Variants in HUNK observed in about 807,000 individuals in gnomAD.
HUNK encodes the protein hormonally up-regulated Neu-associated kinase, also known as hormonally up-regulated neu tumor-associated kinase.
In HUNK, 21 loss-of-function variants were observed where a neutral mutation model predicts 61.0. The observed-to-expected ratio is 0.34, with a 90% CI of 0.24 to 0.50. HUNK has a LOEUF of 0.50. HUNK is among the 20% of genes least tolerant of loss of function. HUNK has a pLI of 0.98. For synonymous variants in HUNK, 371 were observed against 386.1 expected (o/e 0.96, Z 0.46); for missense variants, 772 against 945.7 (o/e 0.82, Z 2.41).
At position 31,973,581 on chromosome 21, in the gene HUNK, GTGA is replaced by G. The variant is rs34890227; in HGVS notation, c.1011-947_1011-945del. Among the ~76,000 whole-genome samples, 670 of 150,300 alleles carry G rather than the reference GTGA, an allele frequency of 4.5e-3. 17 individuals carry two copies. In the East Asian group the frequency reaches 0.078, roughly 18 times the overall value. The stretch of plus-strand genomic sequence containing the variant: ...CCATTGGATGATGGTGATGGTGGTG[GTGA>G]TGATGATGATGATGATGATGATGAT... On this transcript the variant is annotated intron_variant, in intron 6 of 10. Coordinates refer to ENST00000270112, the MANE Select transcript of HUNK (RefSeq NM_014586.2).
intron 3 of HUNK, among the ~76,000 whole-genome samples, chr21:31,941,210 G>A (rs961469124): frequency 3.3e-5 from 5 of 152,156 alleles, no homozygotes; most frequent in African/African-American, 1.2e-4. Context: ...AGAGTTAATC[G>A]TGAAGAGGAA....
intron 1 of HUNK, among the ~76,000 whole-genome samples, chr21:31,905,097 G>T (rs911598954): frequency 1.3e-5 from 2 of 150,108 alleles, no homozygotes; most frequent in African/African-American, 4.9e-5. Context: ...AAAAGAGGTA[G>T]TTGAGTTAAA....
At chr21:31,981,514 T>C (rs535861269) in intron 7 of HUNK, among the ~76,000 whole-genome samples, 1 of 152,330 alleles carries the variant, frequency 6.6e-6, no homozygotes, top group African/African-American at 2.4e-5. Flanking sequence ...TTCATTTACT[T>C]GTGTCTTCTT....
intron 9 of HUNK, among the ~76,000 whole-genome samples, chr21:31,992,476 G>A (rs765667190): frequency 3.3e-5 from 5 of 152,228 alleles, no homozygotes; most frequent in Admixed American, 6.5e-5. Context: ...TGCCTCTGGG[G>A]CCTCATGTGG....
intron 3 of HUNK, among the ~76,000 whole-genome samples, chr21:31,941,375 T>C (rs1474716030): frequency 6.6e-6 from 1 of 151,606 alleles, no homozygotes; most frequent in African/African-American, 2.4e-5. Context: ...GGTGCAATCT[T>C]GGCTCACTGC....
chr21:31,904,634 T>C (rs1431632377), intron 1 of HUNK, among the ~76,000 whole-genome samples: 2 of 152,160 alleles, frequency 1.3e-5, no homozygotes, highest in African/African-American at 4.8e-5. Context: ...GGAGTTTCCG[T>C]GGGTCTTCCG....
Position 31,873,973 on chromosome 21 carries a change from G to T in HUNK, c.261+38G>T. ...GGCGCCGTGGGGCTGGGGCACAGGGGCGGGAGTCGGCGGCCAGGACCCCGC... is the reference window on the plus strand; with the variant it reads ...GGCGCCGTGGGGCTGGGGCACAGGGTCGGGAGTCGGCGGCCAGGACCCCGC... On this transcript the variant is annotated intron_variant, in intron 1 of 10. Coordinates refer to ENST00000270112, the MANE Select transcript of HUNK (RefSeq NM_014586.2). The surrounding 1 kb of genome is among the most constrained non-coding windows in gnomAD (Gnocchi z 6.1). 7.1e-7 allele frequency: 1 copy of T among 1,400,274 alleles called. No homozygotes were observed. Among genetic ancestry groups the T allele is most frequent in the Non-Finnish European group, 9.4e-7 (1 of 1,069,238 alleles). The allele number at this position is 1,400,274 out of a possible 1,614,324, so 86.7% of individuals were successfully genotyped here.
chr21:31,965,164 G>A (rs1321693832), intron 5 of HUNK, among the ~76,000 whole-genome samples: 3 of 152,112 alleles, frequency 2.0e-5, no homozygotes, highest in African/African-American at 7.2e-5. Flanking sequence ...GGATGGAGCT[G>A]GAGGCCATCA....
intron 6 of HUNK, among the ~76,000 whole-genome samples, chr21:31,971,229 G>A (rs556250265): frequency 3.3e-5 from 5 of 151,896 alleles, no homozygotes; most frequent in East Asian, 1.9e-4. Context: ...GTGCCACCAC[G>A]CCCGGCTAGT....
intron 9 of HUNK, among the ~76,000 whole-genome samples, chr21:31,993,320 C>A (rs1055387861): frequency 6.6e-6 from 1 of 152,100 alleles, no homozygotes; most frequent in Admixed American, 6.5e-5. Flanking sequence ...CTTTTGAGAA[C>A]CCAAGGAGGG....
chr21:31,933,002 G>A (rs1232606725), intron 2 of HUNK, among the ~76,000 whole-genome samples: 1 of 148,560 alleles, frequency 6.7e-6, no homozygotes, highest in East Asian at 2.0e-4. Context: ...ACCTCCACCT[G>A]CCAGGTTCAA....
rs374214743 is a variant in HUNK, at chr21:31,910,345, GTC to G, written c.262-14115_262-14114del. 1.6e-4 allele frequency among the ~76,000 whole-genome samples: 25 copies of G among 152,180 alleles called. No homozygotes were observed. In the South Asian group the frequency reaches 4.6e-3, roughly 28 times the overall value. On this transcript the variant is annotated intron_variant, in intron 1 of 10. Coordinates refer to ENST00000270112, the MANE Select transcript of HUNK (RefSeq NM_014586.2). ...CATCCTCTGTATTCTCATCCCTGGTGTCTCTCTCTTCGTATCAAGACACCAGT... is the reference window on the plus strand; with the variant it reads ...CATCCTCTGTATTCTCATCCCTGGTGTCTCTCTTCGTATCAAGACACCAGT...
rs867992647 is a variant in HUNK at position 31,915,070 on chromosome 21, T to A, written c.262-9398T>A. 2.7e-4 allele frequency among the ~76,000 whole-genome samples: 36 copies of A among 132,314 alleles called. No individual in the cohort carries two copies. In the South Asian group the frequency reaches 5.4e-3, roughly 20 times the overall value. The allele number at this position is 132,314 out of a possible 152,430, so 86.8% of individuals were successfully genotyped here. A position where few individuals can be genotyped will look rare whatever the true frequency, so the allele number is the denominator to read the frequency against. ...AGATTTGGGATTTTTTTTTTTTTTT[T>A]TATATTTGCTTAGTATCCAGTGGAG... On this transcript the variant is annotated intron_variant, in intron 1 of 10. Coordinates refer to ENST00000270112, the MANE Select transcript of HUNK (RefSeq NM_014586.2).
At position 31,948,238 on chromosome 21, in the gene HUNK, G is replaced by A. The variant is rs150361897; in HGVS notation, c.746+2067G>A. ...CTGTGGCCTCGCTGAAGGCATGCCC[G>A]CTCCCCTCCTCTCCCCATCCATTCT... On this transcript the variant is annotated intron_variant, in intron 4 of 10. Transcript: ENST00000270112. Among the ~76,000 whole-genome samples, 609 of 152,282 alleles carry A rather than the reference G, an allele frequency of 4.0e-3. 1 individual carries two copies. The highest frequency in any genetic ancestry group is 6.4e-3 in the Non-Finnish European group (435 of 68,018).
intron 1 of HUNK, among the ~76,000 whole-genome samples, chr21:31,914,874 TG>T (rs2052571313): frequency 6.6e-6 from 1 of 152,156 alleles, no homozygotes; most frequent in African/African-American, 2.4e-5. Flanking sequence ...ACAGTCACGT[TG>T]GGGGTTAGGG....
intron 4 of HUNK, among the ~76,000 whole-genome samples, chr21:31,957,212 T>C (rs2052895465): frequency 6.6e-6 from 1 of 152,222 alleles, no homozygotes; most frequent in African/African-American, 2.4e-5. Flanking sequence ...CTTGCCTGTC[T>C]TCTTCCCCAC....
At chr21:31,878,704 A>G (rs1356868161) in intron 1 of HUNK, among the ~76,000 whole-genome samples, 1 of 152,256 alleles carries the variant, frequency 6.6e-6, no homozygotes. Context: ...TCTCTGGCAC[A>G]TGACAGGTTA....
intron 4 of HUNK, among the ~76,000 whole-genome samples, chr21:31,946,623 G>GT (rs140666537): frequency 0.11 from 16,435 of 150,742 alleles, 972 homozygotes; most frequent in South Asian, 0.18. Context: ...CTCTGGGCTT[G>GT]TTTTTTTTTG....
intron 1 of HUNK, among the ~76,000 whole-genome samples, chr21:31,883,760 A>G (rs1232724872): frequency 1.3e-5 from 2 of 152,124 alleles, no homozygotes; most frequent in Non-Finnish European, 2.9e-5. Flanking sequence ...GGAGTTATTT[A>G]CCTCTAAAAT....
Sources: gnomAD v4.1 joint callset for allele counts (sites outside exome capture counted in the v4.1 genomes callset) on GRCh38, gnomAD v4.1.1 for gene constraint, Gnocchi (gnomAD v3.1) non-coding constraint, MANE v1.5 for transcripts, NCBI Gene and HGNC (gene_info 2026-07-23, HGNC 2026-07-21) for gene names.